The following PRDM5 variants were observed in gnomAD, a reference collection of about 807,000 sequenced individuals.
PRDM5 encodes the protein PR/SET domain 5, also known as PR domain zinc finger protein 5.
Under a neutral mutation model 81.2 loss-of-function variants are expected in PRDM5, and 56 were observed. That is an observed-to-expected ratio of 0.69 (90% CI 0.56 to 0.86). PRDM5 has a LOEUF of 0.86. Ranked by LOEUF, PRDM5 falls within the 40% of genes least tolerant of loss-of-function variation. The probability of loss-of-function intolerance (pLI) is 0.00; values close to 1 mark genes in which losing one functional copy is unlikely to be tolerated. For synonymous variants in PRDM5, 267 were observed against 256.4 expected (o/e 1.04, Z -0.39); for missense variants, 697 against 770.1 (o/e 0.91, Z 1.12).
chr4:120,798,041 T>C (rs1751572803), intron 10 of PRDM5, among the ~76,000 whole-genome samples: 1 of 152,092 alleles, frequency 6.6e-6, no homozygotes, highest in African/African-American at 2.4e-5. Flanking sequence ...ATTAATCTAA[T>C]AGCGGTGTTA....
intron 11 of PRDM5, among the ~76,000 whole-genome samples, chr4:120,784,694 TCAAAA>T (rs1019681493): frequency 2.0e-5 from 3 of 152,154 alleles, no homozygotes; most frequent in African/African-American, 7.2e-5. Context: ...AAATCATGTG[TCAAAA>T]CAAAACTCAA....
chr4:120,821,073 A>G (rs1265113709), intron 4 of PRDM5, 98 bp downstream of exon 4: 2 of 1,319,024 alleles, frequency 1.5e-6, no homozygotes, highest in Non-Finnish European at 2.2e-6. Context: ...TTATTTGAGA[A>G]TGCCATATTA....
chr4:120,811,035 T>G (rs977159533), intron 8 of PRDM5, among the ~76,000 whole-genome samples: 1 of 152,134 alleles, frequency 6.6e-6, no homozygotes, highest in Non-Finnish European at 1.5e-5. Context: ...TCTCCTTCTC[T>G]TTTGTAAAGA....
chr4:120,744,482 G>A (rs1742657256), intron 14 of PRDM5, among the ~76,000 whole-genome samples: 1 of 151,438 alleles, frequency 6.6e-6, no homozygotes, highest in Non-Finnish European at 1.5e-5. Context: ...AAAAATTAAT[G>A]AATCCAGGAG....
At chr4:120,686,033 A>T (rs559734116) in intron 1 of PRDM5, among the ~76,000 whole-genome samples, 10 of 152,026 alleles carry the variant, frequency 6.6e-5, no homozygotes, top group African/African-American at 2.2e-4. Context: ...AGAAGTCTGT[A>T]GTATCTCCCC....
chr4:120,772,214 C>CA (rs1017411239), intron 13 of PRDM5, among the ~76,000 whole-genome samples: 1 of 152,174 alleles, frequency 6.6e-6, no homozygotes, highest in Non-Finnish European at 1.5e-5. Context: ...CATGAGAACT[C>CA]AGAGTCCCCT....
At chr4:120,817,360 A>G (rs761114801) in intron 5 of PRDM5, among the ~76,000 whole-genome samples, 5 of 152,222 alleles carry the variant, frequency 3.3e-5, no homozygotes, top group Admixed American at 1.3e-4. Context: ...GAAATGTAGC[A>G]TATTTCAGAA....
intron 4 of PRDM5, among the ~76,000 whole-genome samples, chr4:120,819,462 T>C (rs938004351): frequency 6.6e-6 from 1 of 151,642 alleles, no homozygotes; most frequent in Non-Finnish European, 1.5e-5. Context: ...ATGGCACATG[T>C]ATACATATGT....
At chr4:120,795,763 A>G (rs1751261996) in intron 10 of PRDM5, among the ~76,000 whole-genome samples, 1 of 152,038 alleles carries the variant, frequency 6.6e-6, no homozygotes, top group Admixed American at 6.6e-5. Flanking sequence ...AAATACAAAA[A>G]TTAGCCAGGC....
At chr4:120,860,259 G>A (rs867728653) in intron 2 of PRDM5, among the ~76,000 whole-genome samples, 2 of 152,146 alleles carry the variant, frequency 1.3e-5, no homozygotes, top group Admixed American at 1.3e-4. Context: ...CTCATATAGT[G>A]TGTCTTTTCT....
intron 13 of PRDM5, among the ~76,000 whole-genome samples, chr4:120,760,744 T>C (rs1480363457): frequency 6.6e-6 from 1 of 151,972 alleles, no homozygotes; most frequent in Non-Finnish European, 1.5e-5. Flanking sequence ...ATTCATTAAA[T>C]AGACTTTTTT....
At chr4:120,915,214 T>C (rs1723989768) in intron 1 of PRDM5, among the ~76,000 whole-genome samples, 1 of 151,926 alleles carries the variant, frequency 6.6e-6, no homozygotes, top group Non-Finnish European at 1.5e-5. Context: ...ATCCTAACAA[T>C]GAGAATGATA....
chr4:120,885,158 T>TAAAAAAGAAAA (rs60992648), intron 2 of PRDM5, among the ~76,000 whole-genome samples: 18,917 of 115,906 alleles, frequency 0.16, 1,401 homozygotes, highest in African/African-American at 0.27. Flanking sequence ...AAAAAAAAAG[T>TAAAAAAGAAAA]AAAAAAGAAA....
At position 120,808,145 on chromosome 4, in the gene PRDM5, A is replaced by G. The variant is rs181336519; in HGVS notation, c.945+3225T>C. On this transcript the variant is annotated intron_variant, in intron 8 of 15. Coordinates refer to ENST00000264808, the MANE Select transcript of PRDM5 (RefSeq NM_018699.4). ...CTTCCACAGTGTGGAAGGGGACCTGAGCGGGTTGCCACTGCTGGCTGGGGC... is the reference window on the plus strand; with the variant it reads ...CTTCCACAGTGTGGAAGGGGACCTGGGCGGGTTGCCACTGCTGGCTGGGGC... 2.0e-5 allele frequency among the ~76,000 whole-genome samples: 3 copies of G among 152,224 alleles called. No individual in the cohort carries two copies. In the East Asian group the frequency reaches 5.8e-4, roughly 30 times the overall value.
intron 2 of PRDM5, among the ~76,000 whole-genome samples, chr4:120,881,584 T>C (rs1027087390): frequency 2.6e-5 from 4 of 152,192 alleles, no homozygotes; most frequent in Admixed American, 1.3e-4. Flanking sequence ...CAGAGCACCA[T>C]TCTCTATGAG....
At chr4:120,873,012 A>ATTTT (rs929340859) in intron 2 of PRDM5, among the ~76,000 whole-genome samples, 1 of 73,778 alleles carries the variant, frequency 1.4e-5, no homozygotes, top group Admixed American at 2.0e-4. Flanking sequence ...TTTTTATTTT[A>ATTTT]TTTTTTTGAG....
chr4:120,713,239 C>T (rs1320991133), intron 14 of PRDM5, among the ~76,000 whole-genome samples: 1 of 152,124 alleles, frequency 6.6e-6, no homozygotes, highest in Non-Finnish European at 1.5e-5. Context: ...ATTAATATGA[C>T]TGCCATATAG....
Position 120,777,199 on chromosome 4 carries a change from C to T in PRDM5, c.1526G>A (p.Arg509Gln). Residue 509 changes from arginine to glutamine, a missense_variant, in exon 13 of 16, where the codon CGG (arginine) becomes CAG (glutamine). Physicochemically the swap from Arg to Gln is conservative, Grantham distance 43 (BLOSUM62 1). This residue lies in a region of PRDM5 where 86 missense variants were observed against 135.2 expected (regional missense o/e 0.64). Coordinates refer to ENST00000264808, the MANE Select transcript of PRDM5 (RefSeq NM_018699.4). ...TACAATCTCCATACCTGTGTGGCTC[C>T]GGATATGAACTCTGAGTGTACCACT... ...ASSGTLRVHI[R>Q]SHTGERPYQC... 2 of 1,613,206 alleles carry T rather than the reference C, an allele frequency of 1.2e-6. No homozygotes were observed. Among genetic ancestry groups the T allele is most frequent in the Non-Finnish European group, 1.7e-6 (2 of 1,179,474 alleles).
At chr4:120,839,144 G>T in intron 3 of PRDM5, 1 of 679,108 alleles carries the variant, frequency 1.5e-6, no homozygotes, top group South Asian at 1.5e-5. Context: ...CCCAGGTCTG[G>T]GATCCCTGAA....
Sources: gnomAD v4.1 joint callset for allele counts (sites outside exome capture counted in the v4.1 genomes callset) on GRCh38, gnomAD v4.1.1 for gene constraint, gnomAD v4.1.1 regional missense constraint, MANE v1.5 for transcripts, NCBI Gene and HGNC (gene_info 2026-07-23, HGNC 2026-07-21) for gene names.